UNC5C: variants seen among roughly 807,000 people sequenced by gnomAD.
UNC5C encodes netrin receptor UNC5C.
UNC5C carries 47 observed loss-of-function variants against 99.8 expected under a neutral mutation model. The observed-to-expected ratio is 0.47, with a 90% CI of 0.37 to 0.60. The LOEUF (loss-of-function observed/expected upper bound fraction) is 0.60, where lower values mean the gene tolerates loss of function less well. UNC5C is among the 20% of genes least tolerant of loss of function. The pLI is 0.00. For synonymous variants in UNC5C, 487 were observed against 452.2 expected (o/e 1.08, Z -0.98); for missense variants, 1,062 against 1,165.9 (o/e 0.91, Z 1.30).
chr4:95,424,447 G>A (rs543512742), intron 1 of UNC5C, among the ~76,000 whole-genome samples: 2 of 146,788 alleles, frequency 1.4e-5, no homozygotes, highest in Non-Finnish European at 3.0e-5. Flanking sequence ...CAGCAACATT[G>A]TAAGTACGGT....
intron 1 of UNC5C, among the ~76,000 whole-genome samples, chr4:95,460,167 C>A (rs1289790621): frequency 7.5e-6 from 1 of 132,724 alleles, no homozygotes; most frequent in Non-Finnish European, 1.6e-5. Context: ...ATTTTATGCT[C>A]TTGTTGGTGG....
At chr4:95,291,023 C>A (rs1276881827) in intron 3 of UNC5C, among the ~76,000 whole-genome samples, 1 of 152,104 alleles carries the variant, frequency 6.6e-6, no homozygotes, top group Non-Finnish European at 1.5e-5. Flanking sequence ...ACAATTTCAG[C>A]CATTCTTCGT....
At chr4:95,488,304 G>A (rs957490938) in intron 1 of UNC5C, among the ~76,000 whole-genome samples, 1 of 151,576 alleles carries the variant, frequency 6.6e-6, no homozygotes, top group African/African-American at 2.4e-5. Context: ...CAATTAAACA[G>A]AAATATTTTC....
rs1735888403 is a variant in UNC5C at position 95,167,144 on chromosome 4, G to T, written c.*2090C>A. On this transcript the variant is annotated 3_prime_UTR_variant, in exon 16 of 16. Transcript: ENST00000453304. ...CAAAATAGGAGCGGAAACATGGAAA[G>T]ATGGAAGCACATGTATAATTCAAGT... 1 of 152,216 alleles carries T rather than the reference G, an allele frequency of 6.6e-6. No individual in the cohort carries two copies. Among genetic ancestry groups the T allele is most frequent in the African/African-American group, 2.4e-5 (1 of 41,452 alleles). 9.4% of individuals were successfully genotyped at this position (152,216 alleles called of 1,614,324 possible).
intron 14 of UNC5C, among the ~76,000 whole-genome samples, chr4:95,180,746 A>AG (rs2149349404): frequency 6.6e-6 from 1 of 152,192 alleles, no homozygotes; most frequent in South Asian, 2.1e-4. Context: ...GGCTGGAGGG[A>AG]GGGGCAGCAC....
At chr4:95,291,491 C>T (rs560297674) in intron 3 of UNC5C, among the ~76,000 whole-genome samples, 19 of 152,252 alleles carry the variant, frequency 1.2e-4, no homozygotes, top group African/African-American at 4.6e-4. Flanking sequence ...CTATAACATA[C>T]GTATAGATGA....
intron 1 of UNC5C, among the ~76,000 whole-genome samples, chr4:95,495,707 A>G (rs557575519): frequency 6.6e-6 from 1 of 151,734 alleles, no homozygotes; most frequent in Admixed American, 6.6e-5. Context: ...CAGATCTAGG[A>G]TTTAAAATCC....
At position 95,269,121 on chromosome 4, in the gene UNC5C, T is replaced by C. The variant is rs567068934; in HGVS notation, c.594+9138A>G. ...TTACACCAGAGCTTTTCAAACTGCA[T>C]TTTAGAATCACATGGAGAGCTTTAA... On this transcript the variant is annotated intron_variant, in intron 4 of 15. Coordinates refer to ENST00000453304, the MANE Select transcript of UNC5C (RefSeq NM_003728.4). 4.6e-5 allele frequency among the ~76,000 whole-genome samples: 7 copies of C among 152,338 alleles called. No individual in the cohort carries two copies. In the South Asian group the frequency reaches 1.4e-3, roughly 32 times the overall value.
chr4:95,328,410 A>G (rs1309214835), intron 2 of UNC5C, among the ~76,000 whole-genome samples: 48 of 121,376 alleles, frequency 4.0e-4, no homozygotes, highest in African/African-American at 1.3e-3. Flanking sequence ...ATTTTTTATG[A>G]CTGCATAGTA....
chr4:95,170,852 A>C (rs1736069495), intron 14 of UNC5C, among the ~76,000 whole-genome samples: 1 of 152,226 alleles, frequency 6.6e-6, no homozygotes, highest in African/African-American at 2.4e-5. Flanking sequence ...CTTTTGTTGA[A>C]TGAACTGGAA....
At chr4:95,467,873 T>C in intron 1 of UNC5C, among the ~76,000 whole-genome samples, 1 of 152,124 alleles carries the variant, frequency 6.6e-6, no homozygotes, top group Non-Finnish European at 1.5e-5. Flanking sequence ...TAAGGAAAGC[T>C]AGAGAAAAGA....
chr4:95,425,861 A>C (rs1746467498), intron 1 of UNC5C, among the ~76,000 whole-genome samples: 1 of 152,110 alleles, frequency 6.6e-6, no homozygotes, highest in South Asian at 2.1e-4. Context: ...GTTAAATGTA[A>C]TTTTAATAAT....
rs186870713 is a variant in UNC5C at position 95,392,103 on chromosome 4, A to C, written c.125-56472T>G. Among the ~76,000 whole-genome samples the C allele has an allele frequency of 3.9e-5, 6 of 152,324 alleles. No individual in the cohort carries two copies. The East Asian group carries it at 1.2e-3, about 29-fold the overall frequency. ...TAATATTCTTTTAATGTAGGTTGAA[A>C]AACAAATGAGTATTTTTTACAGAAA... is the stretch of plus-strand genomic sequence containing the variant. On this transcript the variant is annotated intron_variant, in intron 1 of 15. Transcript: ENST00000453304.
chr4:95,179,873 T>C lies in UNC5C; in HGVS notation c.2451+3024A>G, dbSNP rs548828799. ...GATAAACCAACTTGGGGATACATGC[T>C]ACCTTCTTTTCTCTGGGAGCTAATT... On this transcript the variant is annotated intron_variant, in intron 14 of 15. Transcript: ENST00000453304. 2.3e-4 allele frequency among the ~76,000 whole-genome samples: 35 copies of C among 152,192 alleles called. No individual in the cohort carries two copies. In the South Asian group the frequency reaches 6.4e-3, roughly 28 times the overall value.
intron 14 of UNC5C, among the ~76,000 whole-genome samples, chr4:95,180,356 G>A (rs1336658530): frequency 6.6e-6 from 1 of 152,176 alleles, no homozygotes; most frequent in Non-Finnish European, 1.5e-5. Flanking sequence ...TCTGTCCTCT[G>A]CACCATGTTT....
rs1429979632 is a variant in UNC5C, at chr4:95,250,620, C to A, written c.642G>T (p.Arg214=). ...NEDIIDPVED[R]NFYITIDHNL... is the part of the protein sequence containing the mutation. The stretch of plus-strand genomic sequence containing the variant: ...TGTGATCAATAGTAATATAAAAATT[C>A]CGATCTTCAACGGGATCAATTATGT... The change falls in exon 5 of 16, where the codon CGG becomes CGT. Residue 214 remains arginine (R), a synonymous_variant. Transcript: ENST00000453304. 1.6e-5 allele frequency: 26 copies of A among 1,613,882 alleles called. No homozygotes were observed. The highest frequency in any genetic ancestry group is 2.0e-5 in the Non-Finnish European group (24 of 1,179,972).
At chr4:95,245,780 G>T (rs1454707045) in intron 5 of UNC5C, among the ~76,000 whole-genome samples, 1 of 152,228 alleles carries the variant, frequency 6.6e-6, no homozygotes, top group African/African-American at 2.4e-5. Flanking sequence ...TGATGGAGCT[G>T]TCAGCATATG....
chr4:95,372,231 T>C (rs1349427318), intron 1 of UNC5C, among the ~76,000 whole-genome samples: 1 of 152,182 alleles, frequency 6.6e-6, no homozygotes, highest in Non-Finnish European at 1.5e-5. Flanking sequence ...ATTTCATCTT[T>C]TGAATATCAA....
At chr4:95,208,124 A>C (rs1237073033) in intron 10 of UNC5C, among the ~76,000 whole-genome samples, 1 of 152,184 alleles carries the variant, frequency 6.6e-6, no homozygotes, top group Non-Finnish European at 1.5e-5. Context: ...TGGCACCTTG[A>C]ACTCAACACT....
Sources: gnomAD v4.1 joint callset for allele counts (sites outside exome capture counted in the v4.1 genomes callset) on GRCh38, gnomAD v4.1.1 for gene constraint, MANE v1.5 for transcripts, NCBI Gene and HGNC (gene_info 2026-07-23, HGNC 2026-07-21) for gene names.